EEF2K: variants seen among roughly 807,000 people sequenced by gnomAD.
EEF2K encodes the protein eukaryotic elongation factor 2 kinase.
In EEF2K, 70 loss-of-function variants were observed where a neutral mutation model predicts 93.8. That is an observed-to-expected ratio of 0.75 (90% CI 0.62 to 0.91). The LOEUF is 0.91. EEF2K is among the 40% of genes least tolerant of loss of function. The pLI is 0.00. For missense variants in EEF2K, 935 were observed against 972.9 expected (o/e 0.96, Z 0.52); for synonymous variants, 376 against 380.8 (o/e 0.99, Z 0.15).
rs747026751 is a variant in EEF2K at position 22,266,674 on chromosome 16, A to G, written c.1576-14A>G. On this transcript the variant is annotated splice_polypyrimidine_tract_variant and intron_variant, in intron 14 of 17. Transcript: ENST00000263026. ...CGCCAGACAGCCAGGCCGACACCGT[A>G]GTCTGTGTGGCAGGTCCATCTGGCC... The G allele has an allele frequency of 6.2e-7, 1 of 1,602,562 alleles. No homozygotes were observed. Among genetic ancestry groups the G allele is most frequent in the South Asian group, 1.1e-5 (1 of 88,870 alleles).
chr16:22,272,514 A>G (rs1480851245), intron 15 of EEF2K, among the ~76,000 whole-genome samples: 1 of 152,200 alleles, frequency 6.6e-6, no homozygotes, highest in East Asian at 1.9e-4. Context: ...AGACTAATGG[A>G]AGCCTAGTGC....
chr16:22,244,763 T>A, intron 3 of EEF2K, 33 bp downstream of exon 3: 1 of 1,608,864 alleles, frequency 6.2e-7, no homozygotes, highest in Non-Finnish European at 8.5e-7. Flanking sequence ...CGAGGAGTCC[T>A]GGGGGCTATA....
Position 22,284,069 on chromosome 16 carries a change from C to T in EEF2K, c.*73C>T. ...AAGATTAAAAAAACAACAACAACAA[C>T]TTATTTAGTTTGGGGAGGGGAAGCA... is the stretch of plus-strand genomic sequence containing the variant. On this transcript the variant is annotated 3_prime_UTR_variant, in exon 18 of 18. Coordinates refer to ENST00000263026, the MANE Select transcript of EEF2K (RefSeq NM_013302.5). 1 of 1,322,772 alleles carries T rather than the reference C, an allele frequency of 7.6e-7. No individual in the cohort carries two copies. The highest frequency in any genetic ancestry group is 2.5e-5 in the East Asian group (1 of 39,406). 81.9% of individuals were successfully genotyped at this position (1,322,772 alleles called of 1,614,324 possible).
chr16:22,257,761 C>G lies in EEF2K; in HGVS notation c.1020C>G (p.Thr340=), dbSNP rs748811271. Residue 340 remains threonine, a synonymous_variant, in exon 9 of 18, where the codon ACC becomes ACG. Transcript: ENST00000263026. ...PRERDAVNQN[T]KLLQSAKTIL... ...AGAGGGATGCAGTGAATCAGAACAC[C>G]AAGCTGCTGGTGGGTGCCCAGTGTG... is the stretch of plus-strand genomic sequence containing the variant. 1.2e-6 allele frequency: 2 copies of G among 1,613,666 alleles called. No individual in the cohort carries two copies. The highest frequency in any genetic ancestry group is 2.2e-5 in the South Asian group (2 of 91,052).
chr16:22,249,197 C>T (rs2047324893), intron 4 of EEF2K, among the ~76,000 whole-genome samples: 1 of 151,038 alleles, frequency 6.6e-6, no homozygotes, highest in African/African-American at 2.4e-5. Context: ...TCTCAAACTC[C>T]TGGGCTCAAA....
intron 2 of EEF2K, among the ~76,000 whole-genome samples, chr16:22,241,660 A>C (rs964790059): frequency 2.3e-4 from 34 of 150,128 alleles, no homozygotes; most frequent in African/African-American, 7.8e-4. Flanking sequence ...AAAAAAAAAA[A>C]AACATATAGA....
chr16:22,256,428 T>G (rs774224108), intron 6 of EEF2K, among the ~76,000 whole-genome samples: 1 of 151,798 alleles, frequency 6.6e-6, no homozygotes, highest in Non-Finnish European at 1.5e-5. Context: ...AGAGGCAGGA[T>G]TTCACCATGT....
intron 2 of EEF2K, among the ~76,000 whole-genome samples, chr16:22,236,450 A>T (rs2141659560): frequency 6.7e-6 from 1 of 148,306 alleles, no homozygotes; most frequent in East Asian, 2.0e-4. Context: ...AATTTTTTGT[A>T]TTTGTAGTAG....
chr16:22,283,238 G>A (rs1279102353), intron 17 of EEF2K, among the ~76,000 whole-genome samples: 1 of 149,278 alleles, frequency 6.7e-6, no homozygotes, highest in African/African-American at 2.5e-5. Flanking sequence ...GAACCCCAGA[G>A]GCAGTGGTGA....
chr16:22,268,063 A>G (rs540923912), intron 15 of EEF2K, among the ~76,000 whole-genome samples: 2 of 152,324 alleles, frequency 1.3e-5, no homozygotes, highest in African/African-American at 4.8e-5. Flanking sequence ...GCTGTGGCCC[A>G]GTGGGTGAAT....
Position 22,256,874 on chromosome 16 carries a change from G to A in EEF2K, c.745G>A (p.Asp249Asn). The A allele has an allele frequency of 6.2e-7, 1 of 1,614,116 alleles. No individual in the cohort carries two copies. ...CTCCAACTCTGGCTTTGTCCGCGAT[G>A]ACAACATCCGCCTGACGCCGCAGGT... ...YNSNSGFVRDDNIRLTPQAFS... is the reference protein window; with the variant it reads ...YNSNSGFVRDNNIRLTPQAFS... The change falls in exon 7 of 18, where the codon GAC becomes AAC. Residue 249 changes from aspartate to asparagine, a missense_variant. Coordinates refer to ENST00000263026, the MANE Select transcript of EEF2K (RefSeq NM_013302.5).
intron 11 of EEF2K, 77 bp from the exon 12 acceptor site, chr16:22,263,033 T>TG: frequency 7.4e-7 from 1 of 1,355,138 alleles, no homozygotes; most frequent in Non-Finnish European, 1.0e-6. Context: ...AGCTAACAGT[T>TG]GGGGTGTTGA....
At chr16:22,215,154 A>G (rs2142100077) in intron 1 of EEF2K, among the ~76,000 whole-genome samples, 1 of 152,240 alleles carries the variant, frequency 6.6e-6, no homozygotes, top group South Asian at 2.1e-4. Flanking sequence ...GTGGGAAGGG[A>G]CCAATCAGAG....
intron 12 of EEF2K, among the ~76,000 whole-genome samples, chr16:22,264,015 C>T (rs529192351): frequency 4.6e-5 from 7 of 152,068 alleles, no homozygotes; most frequent in Non-Finnish European, 8.8e-5. Flanking sequence ...ACATGCTGGC[C>T]GGGCGTGGTG....
intron 6 of EEF2K, among the ~76,000 whole-genome samples, chr16:22,254,889 T>A (rs1029452750): frequency 6.6e-6 from 1 of 151,996 alleles, no homozygotes; most frequent in East Asian, 1.9e-4. Flanking sequence ...CTGGCCAACA[T>A]GGTAAAACCC....
chr16:22,273,746 G>C lies in EEF2K; in HGVS notation c.1885G>C (p.Asp629His), dbSNP rs2047608331. ...TGACTCTGGCCAGAACCTCAGCCCG[G>C]ACAGGTACTGCAGCTGTCACCCAGG... ...AFDSGQNLSP[D>H]RCQDWLEALH... Residue 629 changes from aspartate (D) to histidine (H), a missense_variant, in exon 16 of 18, where the codon GAC (aspartate) becomes CAC (histidine). Coordinates refer to ENST00000263026, the MANE Select transcript of EEF2K (RefSeq NM_013302.5). 6.2e-7 allele frequency: 1 copy of C among 1,613,386 alleles called. No homozygotes were observed. Among genetic ancestry groups the C allele is most frequent in the African/African-American group, 1.3e-5 (1 of 74,898 alleles).
intron 2 of EEF2K, among the ~76,000 whole-genome samples, chr16:22,226,281 A>G (rs1472007191): frequency 6.7e-6 from 1 of 149,086 alleles, no homozygotes; most frequent in Admixed American, 6.7e-5. Flanking sequence ...CTTTAGAGAC[A>G]GAGTTCTCCT....
chr16:22,225,577 G>A, intron 1 of EEF2K, 77 bp from the exon 2 acceptor site: 1 of 1,192,140 alleles, frequency 8.4e-7, no homozygotes, highest in Non-Finnish European at 1.1e-6. Flanking sequence ...ATAGCCTGCA[G>A]CATTTGGGGT....
At position 22,225,819 on chromosome 16, in the gene EEF2K, C is replaced by T. The variant is rs2047057565; in HGVS notation, c.90C>T (p.Asp30=). ...RAGHDGDSDG[D]SDDEEGYFIC... ...GCCATGATGGTGATTCTGATGGGGA[C>T]AGCGACGATGAGGAAGGTTACTTCA... The change falls in exon 2 of 18, where the codon GAC becomes GAT. Residue 30 remains aspartate (D), a synonymous_variant. Coordinates refer to ENST00000263026, the MANE Select transcript of EEF2K (RefSeq NM_013302.5). 5 of 1,614,234 alleles carry T rather than the reference C, an allele frequency of 3.1e-6. No homozygotes were observed. The highest frequency in any genetic ancestry group is 1.6e-4 in the Middle Eastern group (1 of 6,062).
Sources: gnomAD v4.1 joint callset for allele counts (sites outside exome capture counted in the v4.1 genomes callset) on GRCh38, gnomAD v4.1.1 for gene constraint, MANE v1.5 for transcripts, NCBI Gene and HGNC (gene_info 2026-07-23, HGNC 2026-07-21) for gene names.